CSMD2: variants seen among roughly 807,000 people sequenced by gnomAD.
CSMD2 encodes the protein CUB and Sushi multiple domains 2.
In CSMD2, 130 loss-of-function variants were observed where a neutral mutation model predicts 398.5. The observed-to-expected ratio is 0.33, with a 90% CI of 0.28 to 0.38. The LOEUF is 0.38. CSMD2 is among the 10% of genes least tolerant of loss of function. The probability of loss-of-function intolerance (pLI) is 1.00; values close to 1 mark genes in which losing one functional copy is unlikely to be tolerated. For synonymous variants in CSMD2, 1,828 were observed against 1,908.5 expected (o/e 0.96, Z 1.10); for missense variants, 3,829 against 4,764.9 (o/e 0.80, Z 5.78).
intron 55 of CSMD2, among the ~76,000 whole-genome samples, chr1:33,555,009 G>C (rs1657825980): frequency 6.6e-6 from 1 of 152,182 alleles, no homozygotes; most frequent in Non-Finnish European, 1.5e-5. Context: ...TAAGGCTATA[G>C]CTTCCACAGA....
intron 1 of CSMD2, among the ~76,000 whole-genome samples, chr1:34,161,230 T>C (rs1028622758): frequency 6.6e-6 from 1 of 152,142 alleles, no homozygotes; most frequent in Admixed American, 6.5e-5. Context: ...AAGGGAAATA[T>C]CTAAGTGAAG....
rs143268746 is a variant in CSMD2, at chr1:33,619,167, G to A, written c.5828-1550C>T. Among the ~76,000 whole-genome samples the A allele has an allele frequency of 4.5e-3, 679 of 152,370 alleles. 6 individuals carry two copies. Among genetic ancestry groups the A allele is most frequent in the African/African-American group, 0.015 (638 of 41,590 alleles). ...AGGGCCAGAAGACTCATGAGGAGGCGGAGAGGTAGCTGTAAACTCTAAAGT... is the reference window on the plus strand; with the variant it reads ...AGGGCCAGAAGACTCATGAGGAGGCAGAGAGGTAGCTGTAAACTCTAAAGT... On this transcript the variant is annotated intron_variant, in intron 37 of 70. Coordinates refer to ENST00000373381, the MANE Select transcript of CSMD2 (RefSeq NM_001281956.2).
At chr1:33,756,075 T>C (rs1363301908) in intron 13 of CSMD2, among the ~76,000 whole-genome samples, 3 of 152,204 alleles carry the variant, frequency 2.0e-5, no homozygotes, top group Admixed American at 2.0e-4. Flanking sequence ...TTTCCATCTC[T>C]AGCTCTGACC....
rs570235293 is a variant in CSMD2, at chr1:33,864,521, G to A, written c.921-17525C>T. 4 of 1,614,024 alleles carry A rather than the reference G, an allele frequency of 2.5e-6. No homozygotes were observed. The South Asian group carries it at 4.4e-5, about 18-fold the overall frequency. On this transcript the variant is annotated intron_variant, in intron 5 of 70. Coordinates refer to ENST00000373381, the MANE Select transcript of CSMD2 (RefSeq NM_001281956.2). ...TCTTCTGCCAAGACCACTATGCTCA[G>A]CTGAAGAGGGAGAACCCGAACTGGT...
intron 1 of CSMD2, among the ~76,000 whole-genome samples, chr1:34,133,961 C>G (rs1016178131): frequency 6.8e-6 from 1 of 147,666 alleles, no homozygotes. Flanking sequence ...CCCAGCTACT[C>G]AGGAGGCTGA....
intron 55 of CSMD2, 43 bp downstream of exon 55, chr1:33,557,691 G>C: frequency 2.7e-6 from 4 of 1,507,064 alleles, no homozygotes; most frequent in Non-Finnish European, 3.6e-6. Context: ...TCTTTGACAC[G>C]GGCCACCCCA....
At chr1:33,902,980 A>C (rs1570450270) in intron 5 of CSMD2, among the ~76,000 whole-genome samples, 1 of 151,946 alleles carries the variant, frequency 6.6e-6, no homozygotes, top group Non-Finnish European at 1.5e-5. Context: ...CAAATCTCTC[A>C]CCTCCTTCCT....
At chr1:34,060,050 G>A (rs2148257007) in intron 2 of CSMD2, among the ~76,000 whole-genome samples, 1 of 152,354 alleles carries the variant, frequency 6.6e-6, no homozygotes, top group South Asian at 2.1e-4. Context: ...CTAGAAGAGA[G>A]GGAAAGAAGA....
Position 33,663,092 on chromosome 1 carries a change from C to T in CSMD2, c.4053G>A (p.Gly1351=). 6.2e-7 allele frequency: 1 copy of T among 1,613,654 alleles called. No individual in the cohort carries two copies. The highest frequency in any genetic ancestry group is 8.5e-7 in the Non-Finnish European group (1 of 1,179,652). Residue 1351 remains glycine, a splice_region_variant and synonymous_variant, in exon 26 of 71, where the codon GGG becomes GGA. Transcript: ENST00000373381. Reference sequence around the variant, plus strand: ...CTGTGTCAAACACCAGGAAGTGTAGCCTGCACGGAGAGAAGAGGCAGTGGT... The same window carrying T: ...CTGTGTCAAACACCAGGAAGTGTAGTCTGCACGGAGAGAAGAGGCAGTGGT... The part of the protein sequence containing the change: ...TIEAEAGCTI[G]LHFLVFDTEE...
At chr1:34,110,109 A>T (rs1660923089) in intron 1 of CSMD2, among the ~76,000 whole-genome samples, 1 of 150,912 alleles carries the variant, frequency 6.6e-6, no homozygotes, top group Non-Finnish European at 1.5e-5. Context: ...AATATCATTG[A>T]TCATTAGAGA....
At chr1:34,090,148 G>C (rs1227440629) in intron 1 of CSMD2, among the ~76,000 whole-genome samples, 1 of 152,164 alleles carries the variant, frequency 6.6e-6, no homozygotes, top group Non-Finnish European at 1.5e-5. Context: ...CTCCGGGCCA[G>C]AGCATCTCAG....
At chr1:33,526,510 C>T (rs1277056800) in intron 65 of CSMD2, among the ~76,000 whole-genome samples, 1 of 152,180 alleles carries the variant, frequency 6.6e-6, no homozygotes, top group South Asian at 2.1e-4. Flanking sequence ...GTAAAAGCAC[C>T]TAATCAGTGA....
At chr1:34,162,239 C>T (rs1407097002) in intron 1 of CSMD2, among the ~76,000 whole-genome samples, 1 of 149,178 alleles carries the variant, frequency 6.7e-6, no homozygotes, top group Non-Finnish European at 1.5e-5. Flanking sequence ...TGGGAAGTCT[C>T]CAGGGAGGCT....
At chr1:33,686,969 G>C (rs148861552) in intron 25 of CSMD2, among the ~76,000 whole-genome samples, 134 of 152,318 alleles carry the variant, frequency 8.8e-4, no homozygotes, top group Middle Eastern at 6.8e-3. Context: ...TTACAAGCCA[G>C]CCACATTCTA....
At chr1:33,888,724 T>C (rs1159921194) in intron 5 of CSMD2, among the ~76,000 whole-genome samples, 1 of 151,578 alleles carries the variant, frequency 6.6e-6, no homozygotes, top group African/African-American at 2.4e-5. Flanking sequence ...ACTGAGAAGT[T>C]TTATGTGATC....
At chr1:33,680,227 A>G (rs1247236325) in intron 25 of CSMD2, among the ~76,000 whole-genome samples, 3 of 111,216 alleles carry the variant, frequency 2.7e-5, no homozygotes, top group Non-Finnish European at 3.6e-5. Flanking sequence ...TTCTCATGCT[A>G]TTCTTTTGTC....
chr1:34,027,505 T>C (rs1450467248), intron 3 of CSMD2, among the ~76,000 whole-genome samples: 1 of 152,164 alleles, frequency 6.6e-6, no homozygotes, highest in East Asian at 1.9e-4. Flanking sequence ...GACCCAGCAA[T>C]TGCACTTCCA....
At chr1:33,907,349 G>A (rs573485747) in intron 5 of CSMD2, among the ~76,000 whole-genome samples, 1 of 151,002 alleles carries the variant, frequency 6.6e-6, no homozygotes, top group African/African-American at 2.4e-5. Context: ...GGATGGTCTC[G>A]ATCTCCTGAC....
At chr1:34,044,375 G>C (rs571388312) in intron 2 of CSMD2, among the ~76,000 whole-genome samples, 20 of 152,354 alleles carry the variant, frequency 1.3e-4, no homozygotes, top group African/African-American at 4.6e-4. Flanking sequence ...GGCTGGAATA[G>C]ATTATGTAAC....
Sources: allele counts gnomAD v4.1 joint callset (sites outside exome capture counted in the v4.1 genomes callset), GRCh38; gene constraint gnomAD v4.1.1; transcripts MANE v1.5; gene names NCBI Gene and HGNC (gene_info 2026-07-23, HGNC 2026-07-21).